CDK14: variants seen among roughly 807,000 people sequenced by gnomAD.
The protein encoded by CDK14 is cyclin-dependent kinase 14.
A neutral mutation model predicts 60.7 loss-of-function variants in CDK14; 34 were observed. That is an observed-to-expected ratio of 0.56 (90% CI 0.43 to 0.75). The LOEUF (loss-of-function observed/expected upper bound fraction) is 0.75, where lower values mean the gene tolerates loss of function less well. CDK14 is among the 30% of genes least tolerant of loss of function. CDK14 has a pLI of 0.00. For synonymous variants in CDK14, 197 were observed against 203.7 expected (o/e 0.97, Z 0.28); for missense variants, 482 against 564.1 (o/e 0.85, Z 1.47).
At chr7:90,963,178 A>C (rs1446820460) in intron 9 of CDK14, among the ~76,000 whole-genome samples, 2 of 150,898 alleles carry the variant, frequency 1.3e-5, no homozygotes, top group Non-Finnish European at 2.9e-5. Flanking sequence ...TAATCCCAGC[A>C]CTTTGGGGGC....
At chr7:90,749,749 C>T (rs1272343513) in intron 4 of CDK14, among the ~76,000 whole-genome samples, 1 of 151,866 alleles carries the variant, frequency 6.6e-6, no homozygotes, top group Non-Finnish European at 1.5e-5. Flanking sequence ...AGGATGTTTC[C>T]CAGCTTCATG....
At chr7:90,786,755 A>ATTT (rs10661080) in intron 4 of CDK14, among the ~76,000 whole-genome samples, 37 of 148,560 alleles carry the variant, frequency 2.5e-4, no homozygotes, top group East Asian at 1.2e-3. Context: ...TTTCTCTAAA[A>ATTT]TTTTTTTTTT....
chr7:90,997,002 T>G (rs1453893944), intron 10 of CDK14, among the ~76,000 whole-genome samples: 2 of 152,172 alleles, frequency 1.3e-5, no homozygotes, highest in Non-Finnish European at 1.5e-5. Context: ...TATCTGCCAG[T>G]TTTTCCTCTT....
At position 90,750,925 on chromosome 7, in the gene CDK14, TAGACCAAGTGGAAGAAATAATTTC is replaced by T; in HGVS notation, c.464+3154_464+3177del. On this transcript the variant is annotated intron_variant, in intron 4 of 14. Coordinates refer to ENST00000380050, the MANE Select transcript of CDK14 (RefSeq NM_001287135.2). ...AAAACAGTTGAAAGCTTCAATATCT[TAGACCAAGTGGAAGAAATAATTTC>T]AGAGCTTGAAGACCAATCTTCTTAA... Among the ~76,000 whole-genome samples, 3 of 152,132 alleles carry T rather than the reference TAGACCAAGTGGAAGAAATAATTTC, an allele frequency of 2.0e-5. No homozygotes were observed. The South Asian group carries it at 6.3e-4, about 32-fold the overall frequency.
intron 3 of CDK14, among the ~76,000 whole-genome samples, chr7:90,730,608 G>A (rs1356719251): frequency 2.0e-5 from 3 of 152,188 alleles, no homozygotes; most frequent in Non-Finnish European, 4.4e-5. Flanking sequence ...ACTGACCAGT[G>A]ATGATGAGCT....
intron 6 of CDK14, among the ~76,000 whole-genome samples, chr7:90,892,287 A>G (rs1365750983): frequency 6.6e-6 from 1 of 152,098 alleles, no homozygotes; most frequent in African/African-American, 2.4e-5. Flanking sequence ...TCCTCTTTTA[A>G]AAGGGGCAGT....
intron 5 of CDK14, among the ~76,000 whole-genome samples, chr7:90,853,107 T>G (rs995839749): frequency 3.3e-5 from 5 of 152,206 alleles, no homozygotes; most frequent in Non-Finnish European, 7.3e-5. Flanking sequence ...ATTGTATATG[T>G]TTATCAAAGC....
chr7:90,976,610 C>T (rs374763602), intron 9 of CDK14, among the ~76,000 whole-genome samples: 2 of 152,098 alleles, frequency 1.3e-5, no homozygotes, highest in South Asian at 2.1e-4. Context: ...GTGATTCTCC[C>T]ACCTCAGCTT....
intron 2 of CDK14, among the ~76,000 whole-genome samples, chr7:90,685,081 AATATTTACCTATAGTTTCATCTTTT>A (rs1258556308): frequency 2.0e-5 from 3 of 151,942 alleles, no homozygotes; most frequent in Non-Finnish European, 2.9e-5. Context: ...ATATGAGAAA[AATATTTACCTATAGTTTCATCTTTT>A]ATATTTACAT....
chr7:91,121,526 A>G (rs145159239), intron 14 of CDK14, among the ~76,000 whole-genome samples: 1 of 152,188 alleles, frequency 6.6e-6, no homozygotes, highest in African/African-American at 2.4e-5. Flanking sequence ...TACCAAGGTC[A>G]CTTCAATTAT....
chr7:91,078,712 A>G (rs1166483301), intron 11 of CDK14, among the ~76,000 whole-genome samples: 5 of 152,234 alleles, frequency 3.3e-5, no homozygotes, highest in Non-Finnish European at 7.3e-5. Flanking sequence ...AATCCGTTCA[A>G]AAAATCAATG....
intron 2 of CDK14, among the ~76,000 whole-genome samples, chr7:90,724,636 A>C (rs575054414): frequency 2.6e-5 from 4 of 151,794 alleles, no homozygotes; most frequent in African/African-American, 9.6e-5. Context: ...TTGTGTTTTC[A>C]TTTTTATTTA....
At chr7:91,201,997 A>G (rs1384074153) in intron 14 of CDK14, among the ~76,000 whole-genome samples, 1 of 152,146 alleles carries the variant, frequency 6.6e-6, no homozygotes, top group African/African-American at 2.4e-5. Context: ...GGTGGCGGGT[A>G]TGAGATGATC....
chr7:91,150,535 T>G (rs1376412819), intron 14 of CDK14, among the ~76,000 whole-genome samples: 1 of 152,192 alleles, frequency 6.6e-6, no homozygotes, highest in African/African-American at 2.4e-5. Context: ...CCCAAACATA[T>G]ATAGGATCAC....
At chr7:91,128,770 C>T (rs2116416802) in intron 14 of CDK14, among the ~76,000 whole-genome samples, 1 of 152,182 alleles carries the variant, frequency 6.6e-6, no homozygotes, top group African/African-American at 2.4e-5. Flanking sequence ...TTGTGCATGC[C>T]TGGTCTCATT....
chr7:90,815,221 A>G (rs751569334), intron 5 of CDK14, among the ~76,000 whole-genome samples: 1 of 152,148 alleles, frequency 6.6e-6, no homozygotes, highest in Non-Finnish European at 1.5e-5. Context: ...CTCTTTTCCT[A>G]TTGCCATCAA....
At chr7:90,639,318 C>G (rs541100669) in intron 2 of CDK14, among the ~76,000 whole-genome samples, 1 of 151,792 alleles carries the variant, frequency 6.6e-6, no homozygotes, top group Non-Finnish European at 1.5e-5. Flanking sequence ...TGTGGATGTC[C>G]TTTCTGTTTG....
chr7:90,735,834 G>A (rs1410158788), intron 3 of CDK14, among the ~76,000 whole-genome samples: 3 of 152,170 alleles, frequency 2.0e-5, no homozygotes, highest in East Asian at 1.9e-4. Flanking sequence ...GGGAGTGAAC[G>A]GTTCTGTCTC....
intron 10 of CDK14, among the ~76,000 whole-genome samples, chr7:90,992,034 G>A (rs755400435): frequency 2.0e-5 from 3 of 152,188 alleles, no homozygotes; most frequent in Non-Finnish European, 4.4e-5. Context: ...AAATGAAGAT[G>A]TTGCAAAAAT....
Sources: allele counts gnomAD v4.1 joint callset (sites outside exome capture counted in the v4.1 genomes callset), GRCh38; gene constraint gnomAD v4.1.1; transcripts MANE v1.5; gene names NCBI Gene and HGNC (gene_info 2026-07-23, HGNC 2026-07-21).